Variants in NDUFS7 observed in about 807,000 individuals in gnomAD.
NDUFS7 encodes the protein NADH:ubiquinone oxidoreductase core subunit S7, also known as NADH dehydrogenase [ubiquinone] iron-sulfur protein 7, mitochondrial.
Under a neutral mutation model 31.1 loss-of-function variants are expected in NDUFS7, and 11 were observed. That is an observed-to-expected ratio of 0.35 (90% CI 0.22 to 0.59). The LOEUF is 0.59. NDUFS7 is among the 20% of genes least tolerant of loss of function. NDUFS7 has a pLI of 0.79. For missense variants in NDUFS7, 263 were observed against 324.2 expected, an observed-to-expected ratio of 0.81 and a Z score of 1.45; for synonymous variants, 136 against 127.9, an observed-to-expected ratio of 1.06 and a Z score of -0.43.
chr19:1,389,318 C>T (rs1814973454), intron 4 of NDUFS7: 1 of 477,302 alleles, frequency 2.1e-6, no homozygotes, highest in Non-Finnish European at 4.1e-6. Flanking sequence ...CATGCACACA[C>T]ATGCACACTC....
In NDUFS7 at chr19:1,395,571, C is replaced by A. The variant is rs1198407985; in HGVS notation, c.*83C>A. ...CCGTGAGGTTGTCAATAAACCTGCC[C>A]TCGGGCTGCCGCCTCCCAGTGTGGT... On this transcript the variant is annotated 3_prime_UTR_variant, in exon 8 of 8. Coordinates refer to ENST00000233627, the MANE Select transcript of NDUFS7 (RefSeq NM_024407.5). 4.8e-6 allele frequency: 7 copies of A among 1,466,916 alleles called. No individual in the cohort carries two copies. The East Asian group carries it at 1.5e-4, about 31-fold the overall frequency. The allele number at this position is 1,466,916 out of a possible 1,614,324, so 90.9% of individuals were successfully genotyped here.
In NDUFS7 at chr19:1,393,456, G is replaced by A; in HGVS notation, c.544+126G>A. On this transcript the variant is annotated intron_variant, in intron 7 of 7. Transcript: ENST00000233627. The surrounding 1 kb of genome is among the most constrained non-coding windows in gnomAD (Gnocchi z 7.3). ...CGGCGGGCTCCCCCATCCTATGGAT[G>A]GGCCGACTCGGAGCGCTGCCTCTTA... The A allele has an allele frequency of 1.3e-6, 1 of 776,218 alleles. No homozygotes were observed. The allele number at this position is 776,218 out of a possible 1,614,324, so 48.1% of individuals were successfully genotyped here.
rs937818753 is a variant in NDUFS7 at position 1,395,499 on chromosome 19, G to A, written c.*11G>A. 26 of 1,564,624 alleles carry A rather than the reference G, an allele frequency of 1.7e-5. No homozygotes were observed. Among genetic ancestry groups the A allele is most frequent in the Admixed American group, 5.8e-5 (3 of 51,844 alleles). On this transcript the variant is annotated 3_prime_UTR_variant, in exon 8 of 8. Coordinates refer to ENST00000233627, the MANE Select transcript of NDUFS7 (RefSeq NM_024407.5). ...TGGTACCGCAGGTAGCGCCGCCGCC[G>A]CCGCCGCCGGAGCCTGTCGCCGTCC...
At chr19:1,388,197 G>T in intron 2 of NDUFS7, 1 of 587,180 alleles carries the variant, frequency 1.7e-6, no homozygotes, top group Non-Finnish European at 3.0e-6. Flanking sequence ...GGCGGTGAGG[G>T]CGCATGCCCA....
chr19:1,394,560 G>A (rs1220257423), intron 7 of NDUFS7: 26 of 1,255,036 alleles, frequency 2.1e-5, no homozygotes, highest in Middle Eastern at 3.4e-4. Flanking sequence ...CCTGGGGACC[G>A]CGCTCCTCCC....
At chr19:1,384,275 G>A (rs932013885) in intron 1 of NDUFS7, 1 of 405,012 alleles carries the variant, frequency 2.5e-6, no homozygotes, top group Non-Finnish European at 4.4e-6. Flanking sequence ...AGATGCCCTG[G>A]AGAGAGCGGG....
rs754567880 is a variant in NDUFS7 at position 1,388,540 on chromosome 19, G to A, written c.69G>A (p.Pro23=). 4 of 1,611,442 alleles carry A rather than the reference G, an allele frequency of 2.5e-6. No homozygotes were observed. Among genetic ancestry groups the A allele is most frequent in the Non-Finnish European group, 2.5e-6 (3 of 1,179,916 alleles). The stretch of plus-strand genomic sequence containing the variant: ...CTCCCGGCAGCTCCAGCGTGGGCCC[G>A]GCTGTGCAGGCACGAGGTGTCCATC... ...RILGLRSSVG[P]AVQARGVHQS... is the part of the protein sequence containing the mutation. The change falls in exon 3 of 8, where the codon CCG becomes CCA. Residue 23 remains proline (P), a synonymous_variant. Coordinates refer to ENST00000233627, the MANE Select transcript of NDUFS7 (RefSeq NM_024407.5).
chr19:1,385,182 A>T (rs560361514), intron 1 of NDUFS7, among the ~76,000 whole-genome samples: 1 of 152,304 alleles, frequency 6.6e-6, no homozygotes, highest in Admixed American at 6.5e-5. Context: ...TTTTATTCCA[A>T]GCAAATTCAC....
At chr19:1,392,241 C>T (rs761624804) in intron 6 of NDUFS7, 1 of 152,260 alleles carries the variant, frequency 6.6e-6, no homozygotes, top group Non-Finnish European at 1.5e-5. Context: ...CAGCCTTGAC[C>T]TCCTGGGCTC....
chr19:1,393,159 G>A lies in NDUFS7; in HGVS notation c.456-83G>A, dbSNP rs533637486. Reference sequence around the variant, plus strand: ...GGTGCCTGGCCTGCAGTTGAAGGCGGGTGGGGATGGGGCGAGGCCTCGTGG... The same window carrying A: ...GGTGCCTGGCCTGCAGTTGAAGGCGAGTGGGGATGGGGCGAGGCCTCGTGG... On this transcript the variant is annotated intron_variant, in intron 6 of 7. Coordinates refer to ENST00000233627, the MANE Select transcript of NDUFS7 (RefSeq NM_024407.5). This position sits in a 1 kb window ranked among gnomAD's most constrained non-coding sequence, Gnocchi z 7.3. The A allele has an allele frequency of 1.1e-5, 12 of 1,135,316 alleles. 1 individual carries two copies. The South Asian group carries it at 1.6e-4, about 15-fold the overall frequency. The allele number at this position is 1,135,316 out of a possible 1,614,324, so 70.3% of individuals were successfully genotyped here.
chr19:1,394,488 C>A (rs1472746599), intron 7 of NDUFS7: 2 of 1,267,470 alleles, frequency 1.6e-6, no homozygotes, highest in Admixed American at 2.5e-5. Context: ...CTGGGGACTG[C>A]GCTCCTCCCT....
chr19:1,388,068 C>A, intron 2 of NDUFS7: 1 of 637,044 alleles, frequency 1.6e-6, no homozygotes, highest in Non-Finnish European at 2.8e-6. Context: ...GGAGGAAAAC[C>A]CTGTGGGCCC....
intron 2 of NDUFS7, 186 bp from the exon 3 acceptor site, chr19:1,388,339 C>T (rs1338942732): frequency 9.3e-6 from 6 of 642,842 alleles, no homozygotes; most frequent in Non-Finnish European, 1.1e-5. Context: ...CAAGTCTGGG[C>T]CATCATTGGG....
rs992882221 is a variant in NDUFS7, at chr19:1,385,692, G to T, written c.16+1750G>T. On this transcript the variant is annotated intron_variant, in intron 1 of 7. Transcript: ENST00000233627. ...AAATTAGCTGAGCGTGGTAGCAGGC[G>T]CCTGTAATCCCAGCTACTCGGGAGG... 1.5e-4 allele frequency among the ~76,000 whole-genome samples: 23 copies of T among 152,008 alleles called. 1 individual carries two copies. The highest frequency in any genetic ancestry group is 5.3e-4 in the African/African-American group (22 of 41,386).
At chr19:1,387,770 G>C in intron 1 of NDUFS7, 41 bp from the exon 2 acceptor site, 1 of 1,605,358 alleles carries the variant, frequency 6.2e-7, no homozygotes, top group Non-Finnish European at 8.5e-7. Context: ...CCTGCGTGCT[G>C]CCCGCAGCTC....
chr19:1,392,361 T>C (rs757274063), intron 6 of NDUFS7: 2 of 152,176 alleles, frequency 1.3e-5, no homozygotes, highest in Non-Finnish European at 2.9e-5. Context: ...GTTTACCCTT[T>C]TAAAGCGAGC....
chr19:1,386,195 C>A (rs537398111), intron 1 of NDUFS7, among the ~76,000 whole-genome samples: 1 of 152,310 alleles, frequency 6.6e-6, no homozygotes, highest in South Asian at 2.1e-4. Context: ...CTGGCCCTGG[C>A]CCCTGGAGGC....
At chr19:1,394,331 C>G (rs2082577604) in intron 7 of NDUFS7, 5 of 1,282,830 alleles carry the variant, frequency 3.9e-6, no homozygotes, top group Non-Finnish European at 5.1e-6. Context: ...GGGTCAGGAG[C>G]TCTGCCCATG....
rs1267285148 is a variant in NDUFS7, at chr19:1,393,461, G to C, written c.544+131G>C. 1 of 753,302 alleles carries C rather than the reference G, an allele frequency of 1.3e-6. No homozygotes were observed. The allele number at this position is 753,302 out of a possible 1,614,324, so 46.7% of individuals were successfully genotyped here. On this transcript the variant is annotated intron_variant, in intron 7 of 7. Coordinates refer to ENST00000233627, the MANE Select transcript of NDUFS7 (RefSeq NM_024407.5). This position sits in a 1 kb window ranked among gnomAD's most constrained non-coding sequence, Gnocchi z 7.3. ...GGCTCCCCCATCCTATGGATGGGCC[G>C]ACTCGGAGCGCTGCCTCTTAGTGGA...
Sources: allele counts gnomAD v4.1 joint callset (sites outside exome capture counted in the v4.1 genomes callset), GRCh38; gene constraint gnomAD v4.1.1; non-coding constraint Gnocchi (gnomAD v3.1); transcripts MANE v1.5; gene names NCBI Gene and HGNC (gene_info 2026-07-23, HGNC 2026-07-21).